ADH1C: variants seen among roughly 807,000 people sequenced by gnomAD.
ADH1C encodes alcohol dehydrogenase 1C.
In ADH1C, 26 loss-of-function variants were observed where a neutral mutation model predicts 35.0. That is an observed-to-expected ratio of 0.74 (90% CI 0.54 to 1.03). ADH1C has a LOEUF of 1.03. Among genes scored for constraint, ADH1C ranks in the 50% least tolerant of loss-of-function variants. ADH1C has a pLI of 0.00. For synonymous variants in ADH1C, 170 were observed against 169.3 expected, an observed-to-expected ratio of 1.00 and a Z score of -0.03; for missense variants, 413 against 465.4, an observed-to-expected ratio of 0.89 and a Z score of 1.04.
intron 1 of ADH1C, among the ~76,000 whole-genome samples, chr4:99,348,836 G>A (rs969472705): frequency 6.6e-6 from 1 of 152,124 alleles, no homozygotes; most frequent in East Asian, 1.9e-4. Flanking sequence ...GTGTGAGATG[G>A]TATCTCATTG....
At position 99,345,239 on chromosome 4, in the gene ADH1C, G is replaced by A; in HGVS notation, c.287C>T (p.Pro96Leu). 2 of 1,613,960 alleles carry A rather than the reference G, an allele frequency of 1.2e-6. No homozygotes were observed. The highest frequency in any genetic ancestry group is 1.7e-6 in the Non-Finnish European group (2 of 1,179,922). Residue 96 changes from proline (P) to leucine (L), a missense_variant, in exon 4 of 9, where the codon CCT (proline) becomes CTT (leucine). By Grantham distance (98) the Pro-to-Leu change is moderately conservative. Transcript: ENST00000515683. ...ACAAATTCTGCATTTTCCACACTGA[G>A]GAGTAAAGAGCGGGATGACTTTATC... ...PGDKVIPLFT[P>L]QCGKCRICKN...
At chr4:99,338,395 CTATATATATATATATA>C (rs35124782) in intron 8 of ADH1C, among the ~76,000 whole-genome samples, 9 of 38,958 alleles carry the variant, frequency 2.3e-4, no homozygotes, top group Non-Finnish European at 3.7e-4. Flanking sequence ...ATACTGTTTT[CTATATATATATATATA>C]TATATATATA....
At chr4:99,347,226 T>TGG in intron 2 of ADH1C, 82 bp from the exon 3 acceptor site, 1 of 1,511,522 alleles carries the variant, frequency 6.6e-7, no homozygotes, top group Non-Finnish European at 8.9e-7. Flanking sequence ...TTTCTAAAAT[T>TGG]GTTATTCAAA....
chr4:99,345,284 A>T lies in ADH1C; in HGVS notation c.260-18T>A, dbSNP rs1734506753. On this transcript the variant is annotated intron_variant, in intron 3 of 8. Transcript: ENST00000515683. ...TTTATCACCTGCAGAGGAATAAAAC[A>T]AATTCTTCTTAAATTTCTATGCAGG... The T allele has an allele frequency of 6.2e-7, 1 of 1,602,370 alleles. No homozygotes were observed. Among genetic ancestry groups the T allele is most frequent in the Non-Finnish European group, 8.5e-7 (1 of 1,171,564 alleles).
chr4:99,341,464 A>G (rs1022071531), intron 6 of ADH1C, among the ~76,000 whole-genome samples: 1 of 152,192 alleles, frequency 6.6e-6, no homozygotes, highest in African/African-American at 2.4e-5. Flanking sequence ...TCTTGAGATA[A>G]TGTACACTCC....
chr4:99,340,269 C>G (rs546878796), intron 7 of ADH1C, among the ~76,000 whole-genome samples: 1 of 152,220 alleles, frequency 6.6e-6, no homozygotes, highest in African/African-American at 2.4e-5. Context: ...AAAAAATTAG[C>G]TGGGCACAGT....
chr4:99,342,980 C>T lies in ADH1C; in HGVS notation c.643G>A (p.Ala215Thr). The T allele has an allele frequency of 6.2e-7, 1 of 1,614,248 alleles. No homozygotes were observed. ...GLSVVMGCKA[A>T]GAARIIAVDI... ...ACAGCAATGATTCTGGCTGCTCCAG[C>T]TGCTTTACAGCCCATAACAACAGAT... Residue 215 changes from alanine (A) to threonine (T), a missense_variant, in exon 6 of 9, where the codon GCT (alanine) becomes ACT (threonine). By Grantham distance (58) the Ala-to-Thr change is moderately conservative. Coordinates refer to ENST00000515683, the MANE Select transcript of ADH1C (RefSeq NM_000669.5).
At chr4:99,341,279 G>T (rs537581999) in intron 6 of ADH1C, among the ~76,000 whole-genome samples, 1 of 152,200 alleles carries the variant, frequency 6.6e-6, no homozygotes, top group South Asian at 2.1e-4. Context: ...CTGATTATTT[G>T]GGAACCTCAA....
At chr4:99,342,110 A>G (rs984332652) in intron 6 of ADH1C, among the ~76,000 whole-genome samples, 7 of 152,200 alleles carry the variant, frequency 4.6e-5, no homozygotes, top group African/African-American at 1.7e-4. Context: ...TGTTGCACAA[A>G]GTATTTTACA....
intron 5 of ADH1C, 42 bp from the exon 6 acceptor site, chr4:99,343,097 G>C: frequency 6.3e-7 from 1 of 1,599,688 alleles, no homozygotes; most frequent in South Asian, 1.1e-5. Flanking sequence ...AATAATGTTT[G>C]TTAGAAATTG....
rs371660994 is a variant in ADH1C at position 99,345,014 on chromosome 4, G to A, written c.415C>T (p.His139Tyr). 1.0e-4 allele frequency: 169 copies of A among 1,614,208 alleles called. 1 individual carries two copies. The African/African-American group carries it at 1.9e-3, about 18-fold the overall frequency. The change falls in exon 5 of 9, where the codon CAC becomes TAC. Residue 139 changes from histidine to tyrosine, a missense_variant. Transcript: ENST00000515683. ...RRFTCSGKPI[H>Y]HFVGVSTFSQ... ...AAGGTGCTGACGCCGACGAAGTGGT[G>A]GATGGGCTTCCCGCTGCAGGTGAAC...
At chr4:99,349,306 A>C (rs1734617061) in intron 1 of ADH1C, among the ~76,000 whole-genome samples, 1 of 151,618 alleles carries the variant, frequency 6.6e-6, no homozygotes, top group African/African-American at 2.4e-5. Context: ...ATTTTTGTAT[A>C]AGGTGTAAGG....
intron 2 of ADH1C, among the ~76,000 whole-genome samples, chr4:99,347,414 A>G (rs912439373): frequency 6.6e-6 from 1 of 152,210 alleles, no homozygotes; most frequent in African/African-American, 2.4e-5. Context: ...AGAAGAATGC[A>G]TAGTTAAAAG....
At position 99,336,532 on chromosome 4, in the gene ADH1C, C is replaced by T; in HGVS notation, c.*220G>A. 1 of 606,896 alleles carries T rather than the reference C, an allele frequency of 1.6e-6. No individual in the cohort carries two copies. Among genetic ancestry groups the T allele is most frequent in the Non-Finnish European group, 2.9e-6 (1 of 349,722 alleles). The allele number at this position is 606,896 out of a possible 1,614,324, so 37.6% of individuals were successfully genotyped here. ...GGAAGGTTTATTGGCTTCAATTCCC[C>T]AGTTGATGTTCAACACTTTATTTAG... On this transcript the variant is annotated 3_prime_UTR_variant, in exon 9 of 9. Coordinates refer to ENST00000515683, the MANE Select transcript of ADH1C (RefSeq NM_000669.5).
intron 8 of ADH1C, 143 bp from the exon 9 acceptor site, chr4:99,336,919 G>T: frequency 1.7e-6 from 2 of 1,163,310 alleles, no homozygotes; most frequent in Non-Finnish European, 2.5e-6. Context: ...ATGCATTTGG[G>T]TCAAGTCAAG....
At chr4:99,352,072 G>A (rs1734690445) in intron 1 of ADH1C, among the ~76,000 whole-genome samples, 1 of 152,064 alleles carries the variant, frequency 6.6e-6, no homozygotes, top group South Asian at 2.1e-4. Flanking sequence ...CCCTTTAAAC[G>A]GAATTTGAAT....
rs111837176 is a variant in ADH1C, at chr4:99,350,266, AATTT to A, written c.18+2388_18+2391del. Among the ~76,000 whole-genome samples the A allele has an allele frequency of 5.2e-3, 793 of 152,112 alleles. 14 individuals carry two copies. The highest frequency in any genetic ancestry group is 0.041 in the South Asian group (196 of 4,820). ...TTACATGCATTATTTTTATTTTTAA[AATTT>A]ATTTATTTTTAATTTCAATAGTTTT... is the stretch of plus-strand genomic sequence containing the variant. On this transcript the variant is annotated intron_variant, in intron 1 of 8. Transcript: ENST00000515683.
chr4:99,340,850 C>T, intron 6 of ADH1C, 140 bp from the exon 7 acceptor site: 1 of 1,324,390 alleles, frequency 7.6e-7, no homozygotes, highest in Non-Finnish European at 1.0e-6. Context: ...CTTCATTCCC[C>T]CTTTCTTTGC....
At chr4:99,350,150 G>A (rs1263826257) in intron 1 of ADH1C, among the ~76,000 whole-genome samples, 2 of 152,142 alleles carry the variant, frequency 1.3e-5, no homozygotes, top group African/African-American at 4.8e-5. Flanking sequence ...ATAAATATCA[G>A]AATACTTGGA....
Sources: gnomAD v4.1 joint callset for allele counts (sites outside exome capture counted in the v4.1 genomes callset) on GRCh38, gnomAD v4.1.1 for gene constraint, MANE v1.5 for transcripts, NCBI Gene and HGNC (gene_info 2026-07-23, HGNC 2026-07-21) for gene names.